The following PDE7B variants were observed in gnomAD, a reference collection of about 807,000 sequenced individuals.
PDE7B encodes 3',5'-cyclic-AMP phosphodiesterase 7B.
In PDE7B, 29 loss-of-function variants were observed where a neutral mutation model predicts 56.2. The observed-to-expected ratio is 0.52, with a 90% CI of 0.38 to 0.70. PDE7B has a LOEUF of 0.70. PDE7B is among the 30% of genes least tolerant of loss of function. PDE7B has a pLI of 0.00. For synonymous variants in PDE7B, 197 were observed against 196.9 expected, an observed-to-expected ratio of 1.00 and a Z score of 0.00; for missense variants, 490 against 565.0, an observed-to-expected ratio of 0.87 and a Z score of 1.35.
intron 2 of PDE7B, among the ~76,000 whole-genome samples, chr6:136,101,773 T>C (rs1777566687): frequency 6.6e-6 from 1 of 152,188 alleles, no homozygotes; most frequent in South Asian, 2.1e-4. Flanking sequence ...TACATCTTCC[T>C]GTAGTCTAAC....
Position 135,976,522 on chromosome 6 carries a change from C to T in PDE7B, c.82+28998C>T, listed in dbSNP as rs537378694. Reference sequence around the variant, plus strand: ...AGACCTCAAAGAAGATGAAGGACAGCTTTCCATTTTTTCTTCCTTAGGTCT... The same window carrying T: ...AGACCTCAAAGAAGATGAAGGACAGTTTTCCATTTTTTCTTCCTTAGGTCT... On this transcript the variant is annotated intron_variant, in intron 2 of 12. Coordinates refer to ENST00000308191, the MANE Select transcript of PDE7B (RefSeq NM_018945.4). 4.6e-5 allele frequency among the ~76,000 whole-genome samples: 7 copies of T among 152,172 alleles called. No individual in the cohort carries two copies. In the East Asian group the frequency reaches 1.3e-3, roughly 29 times the overall value.
chr6:136,071,476 G>A (rs535186993), intron 2 of PDE7B, among the ~76,000 whole-genome samples: 5 of 152,238 alleles, frequency 3.3e-5, no homozygotes, highest in South Asian at 2.1e-4. Flanking sequence ...ACACACACAC[G>A]TGTGTATACA....
At chr6:136,126,876 A>G (rs536165315) in intron 3 of PDE7B, among the ~76,000 whole-genome samples, 100 of 152,274 alleles carry the variant, frequency 6.6e-4, no homozygotes, top group Non-Finnish European at 1.1e-3. Context: ...GATGGGTGCC[A>G]AAATCTCCCA....
chr6:136,097,660 A>G (rs1018874657), intron 2 of PDE7B, among the ~76,000 whole-genome samples: 2 of 152,158 alleles, frequency 1.3e-5, no homozygotes, highest in Non-Finnish European at 2.9e-5. Context: ...TAATTCTCTC[A>G]GGAATTCTCT....
chr6:135,973,874 T>C lies in PDE7B; in HGVS notation c.82+26350T>C, dbSNP rs570342697. 2.4e-4 allele frequency among the ~76,000 whole-genome samples: 37 copies of C among 152,238 alleles called. 1 individual carries two copies. The South Asian group carries it at 6.6e-3, about 27-fold the overall frequency. ...AACACTTTAGTTGGCCAGTAGAGAG[T>C]TATTTCCAGACTGAGTCACCATCAG... On this transcript the variant is annotated intron_variant, in intron 2 of 12. Transcript: ENST00000308191.
chr6:136,073,713 G>T (rs1734086162), intron 2 of PDE7B, among the ~76,000 whole-genome samples: 1 of 152,108 alleles, frequency 6.6e-6, no homozygotes, highest in South Asian at 2.1e-4. Flanking sequence ...TACGAATTTG[G>T]CAGGGGACAC....
intron 1 of PDE7B, among the ~76,000 whole-genome samples, chr6:135,896,480 A>G (rs1023029531): frequency 2.6e-5 from 4 of 152,122 alleles, no homozygotes; most frequent in Admixed American, 1.3e-4. Context: ...ACCCGTTCCT[A>G]TCTGACCAGG....
At chr6:135,984,823 G>A (rs1438664120) in intron 2 of PDE7B, among the ~76,000 whole-genome samples, 1 of 152,006 alleles carries the variant, frequency 6.6e-6, no homozygotes, top group Non-Finnish European at 1.5e-5. Flanking sequence ...TCAGGTGGGG[G>A]ACGTGTATAC....
chr6:136,083,945 T>C (rs543334117), intron 2 of PDE7B, among the ~76,000 whole-genome samples: 1 of 152,314 alleles, frequency 6.6e-6, no homozygotes, highest in African/African-American at 2.4e-5. Context: ...ATTTAAATTG[T>C]TTGCCTGTAC....
intron 1 of PDE7B, among the ~76,000 whole-genome samples, chr6:135,863,041 G>A (rs1775180888): frequency 6.6e-6 from 1 of 151,780 alleles, no homozygotes; most frequent in Non-Finnish European, 1.5e-5. Context: ...TAAGATCTTT[G>A]AATTTTTTGA....
In PDE7B at chr6:136,038,145, G is replaced by A. The variant is rs1277732076; in HGVS notation, c.83-70586G>A. Reference sequence around the variant, plus strand: ...TCCGAAGCTGGAGAGGATCTTACGGGGGTTCGCTTTTCCCTGCCTGGGAAG... The same window carrying A: ...TCCGAAGCTGGAGAGGATCTTACGGAGGTTCGCTTTTCCCTGCCTGGGAAG... On this transcript the variant is annotated intron_variant, in intron 2 of 12. Transcript: ENST00000308191. The A allele has an allele frequency of 2.3e-6, 3 of 1,301,700 alleles. No homozygotes were observed. The Admixed American group carries it at 6.8e-5, about 29-fold the overall frequency. The allele number at this position is 1,301,700 out of a possible 1,614,324, so 80.6% of individuals were successfully genotyped here.
At chr6:136,018,085 T>C (rs1397228360) in intron 2 of PDE7B, among the ~76,000 whole-genome samples, 1 of 152,170 alleles carries the variant, frequency 6.6e-6, no homozygotes, top group Admixed American at 6.5e-5. Flanking sequence ...ATTTAAAAAG[T>C]CATAGCTGTC....
intron 2 of PDE7B, among the ~76,000 whole-genome samples, chr6:136,043,575 CAAAA>C (rs34337621): frequency 2.1e-4 from 22 of 106,906 alleles, no homozygotes; most frequent in East Asian, 2.8e-4. Context: ...GACATAATAG[CAAAA>C]AAAAAAAAAA....
chr6:136,003,962 T>C (rs1775723804), intron 2 of PDE7B, among the ~76,000 whole-genome samples: 1 of 152,042 alleles, frequency 6.6e-6, no homozygotes, highest in Admixed American at 6.6e-5. Context: ...AATAAAATAC[T>C]GGCAAACCGA....
intron 2 of PDE7B, among the ~76,000 whole-genome samples, chr6:136,087,400 C>T (rs1777310990): frequency 6.6e-6 from 1 of 151,804 alleles, no homozygotes; most frequent in South Asian, 2.1e-4. Flanking sequence ...AATATATATC[C>T]CTAAGAAACT....
intron 2 of PDE7B, among the ~76,000 whole-genome samples, chr6:136,008,872 C>A (rs1332275975): frequency 6.6e-6 from 1 of 152,096 alleles, no homozygotes; most frequent in African/African-American, 2.4e-5. Flanking sequence ...GCTTTTGTTG[C>A]CATTGCTTTT....
intron 2 of PDE7B, among the ~76,000 whole-genome samples, chr6:136,010,131 C>T (rs1775866244): frequency 6.6e-6 from 1 of 152,276 alleles, no homozygotes; most frequent in Admixed American, 6.5e-5. Context: ...TCTTTGTTCT[C>T]ATTTGTTTCA....
intron 1 of PDE7B, among the ~76,000 whole-genome samples, chr6:135,859,962 T>A (rs1412438185): frequency 6.6e-6 from 1 of 152,036 alleles, no homozygotes; most frequent in African/African-American, 2.4e-5. Flanking sequence ...TCCAGGAGCA[T>A]TGAACTTGTA....
chr6:136,104,560 A>C (rs778692771), intron 2 of PDE7B, among the ~76,000 whole-genome samples: 10 of 152,216 alleles, frequency 6.6e-5, no homozygotes, highest in African/African-American at 2.4e-4. Flanking sequence ...AAGCAATTTA[A>C]TATCAGAACA....
Sources: gnomAD v4.1 joint callset for allele counts (sites outside exome capture counted in the v4.1 genomes callset) on GRCh38, gnomAD v4.1.1 for gene constraint, MANE v1.5 for transcripts, NCBI Gene and HGNC (gene_info 2026-07-23, HGNC 2026-07-21) for gene names.